Variants in WDR89 observed in about 807,000 individuals in gnomAD.
WDR89 encodes WD repeat-containing protein 89.
A neutral mutation model predicts 29.1 loss-of-function variants in WDR89; 17 were observed. That is an observed-to-expected ratio of 0.58 (90% CI 0.40 to 0.88). The LOEUF (loss-of-function observed/expected upper bound fraction) is 0.88, where lower values mean the gene tolerates loss of function less well. Ranked by LOEUF, WDR89 falls within the 40% of genes least tolerant of loss-of-function variation. The pLI is 0.00. For missense variants in WDR89, 396 were observed against 456.3 expected (o/e 0.87, Z 1.20); for synonymous variants, 138 against 157.8 (o/e 0.87, Z 0.94).
chr14:63,632,041 G>A (rs1381205884), intron 1 of WDR89, among the ~76,000 whole-genome samples: 3 of 151,856 alleles, frequency 2.0e-5, no homozygotes, highest in Non-Finnish European at 4.4e-5. Flanking sequence ...GAACCTGGGA[G>A]GTGAAGGCTG....
rs776410645 is a variant in WDR89 at position 63,599,180 on chromosome 14, C to G, written c.763G>C (p.Val255Leu). The G allele has an allele frequency of 2.5e-6, 4 of 1,610,792 alleles. No individual in the cohort carries two copies. The African/African-American group carries it at 5.3e-5, about 22-fold the overall frequency. ...DLNHLDTDEPVTRLNIQDVRE... is the reference protein window; with the variant it reads ...DLNHLDTDEPLTRLNIQDVRE... Reference sequence around the variant, plus strand: ...ACATCCTGGATGTTCAAACGTGTAACTGGTTCATCAGTGTCCAGATGATTA... The same window carrying G: ...ACATCCTGGATGTTCAAACGTGTAAGTGGTTCATCAGTGTCCAGATGATTA... The change falls in exon 3 of 3, where the codon GTT becomes CTT. Residue 255 changes from valine (V) to leucine (L), a missense_variant. Val to Leu is a conservative substitution (Grantham distance 32, BLOSUM62 1). Transcript: ENST00000620954.
chr14:63,622,660 G>C (rs1021607431), intron 2 of WDR89, among the ~76,000 whole-genome samples: 3 of 149,524 alleles, frequency 2.0e-5, no homozygotes, highest in African/African-American at 7.4e-5. Flanking sequence ...CCAGCTACTC[G>C]GGAGGCTGAG....
rs1456629101 is a variant in WDR89, at chr14:63,609,698, G to A, written c.-31-9725C>T. On this transcript the variant is annotated intron_variant, in intron 2 of 2. Coordinates refer to ENST00000620954, the MANE Select transcript of WDR89 (RefSeq NM_080666.4). ...CCAGCTACATGGGAGGCTGAGGCAG[G>A]AGAATTGCTTATACCTGGAAGGTGG... 3.3e-5 allele frequency among the ~76,000 whole-genome samples: 5 copies of A among 152,104 alleles called. No homozygotes were observed. In the South Asian group the frequency reaches 6.2e-4, roughly 19 times the overall value.
Position 63,599,322 on chromosome 14 carries a change from ATCC to A in WDR89, c.618_620del (p.Glu206del). ...TTGAGTTACAGGTTGTAACCAGTGCATCCTCCTCATTATCAATATTAATATCAA... is the reference window on the plus strand; with the variant it reads ...TTGAGTTACAGGTTGTAACCAGTGCATCCTCATTATCAATATTAATATCAA... On this transcript the variant is annotated inframe_deletion, in exon 3 of 3. Coordinates refer to ENST00000620954, the MANE Select transcript of WDR89 (RefSeq NM_080666.4). 1.9e-6 allele frequency: 3 copies of A among 1,614,144 alleles called. No individual in the cohort carries two copies. The highest frequency in any genetic ancestry group is 2.5e-6 in the Non-Finnish European group (3 of 1,180,028).
intron 2 of WDR89, chr14:63,601,518 C>T: frequency 6.7e-7 from 1 of 1,487,600 alleles, no homozygotes; most frequent in East Asian, 2.3e-5. Context: ...CATGGCAGGA[C>T]AAGCGTTTAA....
chr14:63,629,283 T>C (rs1379522358), intron 1 of WDR89, among the ~76,000 whole-genome samples: 6 of 152,240 alleles, frequency 3.9e-5, no homozygotes, highest in Non-Finnish European at 5.9e-5. Context: ...ATCAAGTCTT[T>C]AGTATAATCA....
intron 2 of WDR89, among the ~76,000 whole-genome samples, chr14:63,607,091 T>C (rs908260283): frequency 6.6e-5 from 10 of 152,218 alleles, no homozygotes; most frequent in Admixed American, 4.6e-4. Flanking sequence ...TGTAAAAACA[T>C]GTAATAACCC....
At chr14:63,638,047 G>T (rs1883854216) in intron 1 of WDR89, among the ~76,000 whole-genome samples, 1 of 152,034 alleles carries the variant, frequency 6.6e-6, no homozygotes. Flanking sequence ...CCAGGTTCAA[G>T]TGATCCTCCT....
intron 2 of WDR89, among the ~76,000 whole-genome samples, chr14:63,604,005 C>T (rs953043649): frequency 2.6e-5 from 4 of 152,238 alleles, no homozygotes; most frequent in Non-Finnish European, 5.9e-5. Context: ...GCATGAGTGA[C>T]TCCTTCCTGT....
At chr14:63,601,652 T>C (rs1243063419) in intron 2 of WDR89, 34 of 1,613,176 alleles carry the variant, frequency 2.1e-5, no homozygotes, top group Non-Finnish European at 2.5e-6. Context: ...TAGTCGCTGT[T>C]GGATCGGGTT....
At chr14:63,610,093 G>A (rs915107545) in intron 2 of WDR89, among the ~76,000 whole-genome samples, 4 of 150,722 alleles carry the variant, frequency 2.7e-5, no homozygotes, top group African/African-American at 7.3e-5. Flanking sequence ...AGTGGCTCAC[G>A]CCTGTAATCC....
intron 2 of WDR89, among the ~76,000 whole-genome samples, chr14:63,609,014 A>G (rs1881783575): frequency 1.3e-5 from 2 of 152,090 alleles, no homozygotes; most frequent in Admixed American, 1.3e-4. Context: ...CAGGGGAATG[A>G]GGCAAGGGAA....
rs558523083 is a variant in WDR89 at position 63,610,946 on chromosome 14, C to T, written c.-31-10973G>A. The stretch of plus-strand genomic sequence containing the variant: ...CGAACTCCTGACCTTGTAATTCGCC[C>T]GCCTTGGCCTCCCAAAGTGCTGGGG... On this transcript the variant is annotated intron_variant, in intron 2 of 2. Transcript: ENST00000620954. 5.4e-3 allele frequency among the ~76,000 whole-genome samples: 816 copies of T among 152,034 alleles called. 8 individuals are homozygous for T. The highest frequency in any genetic ancestry group is 0.019 in the African/African-American group (788 of 41,502).
chr14:63,626,095 G>A (rs540807064), intron 1 of WDR89, among the ~76,000 whole-genome samples: 296 of 151,944 alleles, frequency 1.9e-3, no homozygotes, highest in Non-Finnish European at 3.5e-3. Flanking sequence ...CTCGTGATCC[G>A]CCCACCTTGG....
chr14:63,601,345 G>C lies in WDR89; in HGVS notation c.-31-1372C>G, dbSNP rs533181465. On this transcript the variant is annotated intron_variant, in intron 2 of 2. Transcript: ENST00000620954. ...CTGGGATTTGAACCTAGGCATTCTG[G>C]CTTCAGGCTTCACGGACTGTGCTCT... Among the ~76,000 whole-genome samples the C allele has an allele frequency of 8.6e-5, 13 of 151,388 alleles. No individual in the cohort carries two copies. The South Asian group carries it at 2.5e-3, about 29-fold the overall frequency.
At chr14:63,602,164 A>G (rs1256687653) in intron 2 of WDR89, among the ~76,000 whole-genome samples, 1 of 152,220 alleles carries the variant, frequency 6.6e-6, no homozygotes, top group Non-Finnish European at 1.5e-5. Context: ...TGTATGGCAT[A>G]TCATAGTACC....
intron 1 of WDR89, among the ~76,000 whole-genome samples, chr14:63,635,048 C>T (rs949803161): frequency 5.3e-5 from 8 of 151,690 alleles, no homozygotes; most frequent in Non-Finnish European, 1.0e-4. Context: ...CAGAATTCTA[C>T]CAGACATTCA....
intron 2 of WDR89, among the ~76,000 whole-genome samples, chr14:63,605,771 T>A (rs1035996104): frequency 4.6e-5 from 7 of 152,136 alleles, no homozygotes; most frequent in African/African-American, 1.7e-4. Context: ...GACTATACTT[T>A]TAATCGTTAT....
At chr14:63,640,099 G>A (rs537543343) in intron 1 of WDR89, among the ~76,000 whole-genome samples, 49 of 152,284 alleles carry the variant, frequency 3.2e-4, no homozygotes, top group African/African-American at 1.2e-3. Flanking sequence ...TGCATTCACA[G>A]GAAAGTATTC....
Sources: allele counts gnomAD v4.1 joint callset (sites outside exome capture counted in the v4.1 genomes callset), GRCh38; gene constraint gnomAD v4.1.1; transcripts MANE v1.5; gene names NCBI Gene and HGNC (gene_info 2026-07-23, HGNC 2026-07-21).